Variants in TMEM181 observed in about 807,000 individuals in gnomAD.
TMEM181 encodes transmembrane protein 181.
Under a neutral mutation model 71.9 loss-of-function variants are expected in TMEM181, and 39 were observed. The observed-to-expected ratio is 0.54, with a 90% CI of 0.42 to 0.71. TMEM181 has a LOEUF of 0.71. TMEM181 is among the 30% of genes least tolerant of loss of function. TMEM181 has a pLI of 0.00. For synonymous variants in TMEM181, 245 were observed against 228.8 expected, an observed-to-expected ratio of 1.07 and a Z score of -0.64; for missense variants, 595 against 583.0, an observed-to-expected ratio of 1.02 and a Z score of -0.21.
intron 6 of TMEM181, among the ~76,000 whole-genome samples, chr6:158,591,052 A>G (rs995471567): frequency 6.6e-6 from 1 of 152,152 alleles, no homozygotes; most frequent in African/African-American, 2.4e-5. Context: ...TCATTTTGCT[A>G]AGTGATATTT....
rs756240410 is a variant in TMEM181 at position 158,621,479 on chromosome 6, G to A, written c.897-2071G>A. The A allele has an allele frequency of 2.3e-5, 5 of 213,422 alleles. 1 individual carries two copies. The highest frequency in any genetic ancestry group is 4.2e-5 in the Non-Finnish European group (4 of 94,192). 13.2% of individuals were successfully genotyped at this position (213,422 alleles called of 1,614,324 possible). ...CCATCCTCTTCCTGGGTTTTCAGGC[G>A]CTTGGGGCTACCAGCCCGTCCTGAA... On this transcript the variant is annotated intron_variant, in intron 10 of 16. Transcript: ENST00000684151.
intron 10 of TMEM181, chr6:158,611,068 G>C (rs1272117290): frequency 2.2e-6 from 1 of 464,180 alleles, no homozygotes; most frequent in African/African-American, 2.0e-5. Context: ...GAAACTCGAG[G>C]GGTGGAGAGC....
Position 158,571,514 on chromosome 6 carries a change from G to A in TMEM181, c.9-1906G>A, listed in dbSNP as rs1014606018. ...GGGGTTTCATCGTGTTGGCCAGGAT[G>A]GTCTCAATCTCCTGACCTCGTGATC... On this transcript the variant is annotated intron_variant, in intron 1 of 16. Coordinates refer to ENST00000684151, the MANE Select transcript of TMEM181 (RefSeq NM_001376852.1). Among the ~76,000 whole-genome samples, 8 of 146,152 alleles carry A rather than the reference G, an allele frequency of 5.5e-5. 2 individuals are homozygous for A. The highest frequency in any genetic ancestry group is 3.1e-5 in the Non-Finnish European group (2 of 65,296).
chr6:158,601,267 G>A (rs1784654681), intron 6 of TMEM181, among the ~76,000 whole-genome samples: 1 of 152,196 alleles, frequency 6.6e-6, no homozygotes, highest in African/African-American at 2.4e-5. Flanking sequence ...TGCTATGATA[G>A]GCCAGGCATG....
At chr6:158,621,822 C>T (rs1326163707) in intron 10 of TMEM181, among the ~76,000 whole-genome samples, 1 of 152,260 alleles carries the variant, frequency 6.6e-6, no homozygotes, top group Non-Finnish European at 1.5e-5. Flanking sequence ...AGATGCCTAA[C>T]TGCTTCAGGG....
At chr6:158,568,910 T>C (rs140069023) in intron 1 of TMEM181, among the ~76,000 whole-genome samples, 192 of 152,366 alleles carry the variant, frequency 1.3e-3, no homozygotes, top group African/African-American at 4.5e-3. Context: ...TTTAGAGCTA[T>C]GATTGATCTG....
chr6:158,628,545 AGTTAGT>A, intron 14 of TMEM181, 55 bp downstream of exon 14: 1 of 1,513,376 alleles, frequency 6.6e-7, no homozygotes. Context: ...GCATTGCAGC[AGTTAGT>A]GGCTCAGATT....
intron 1 of TMEM181, among the ~76,000 whole-genome samples, chr6:158,549,110 CTTTTTTTTTTTTT>C (rs33969411): frequency 1.5e-5 from 1 of 67,514 alleles, no homozygotes; most frequent in Non-Finnish European, 2.8e-5. Flanking sequence ...GTGCACACTT[CTTTTTTTTTTTTT>C]TTTTTTTTTT....
chr6:158,602,577 G>A (rs968545606), intron 6 of TMEM181, among the ~76,000 whole-genome samples: 2 of 151,708 alleles, frequency 1.3e-5, no homozygotes, highest in Admixed American at 6.6e-5. Flanking sequence ...GGTGTATAAT[G>A]GTATTTAATG....
chr6:158,611,877 A>T (rs1345320006), intron 10 of TMEM181, among the ~76,000 whole-genome samples: 1 of 152,192 alleles, frequency 6.6e-6, no homozygotes, highest in African/African-American at 2.4e-5. Context: ...AGAAGAGGTT[A>T]TCACAGGCTT....
At chr6:158,595,984 C>T (rs915684852) in intron 6 of TMEM181, among the ~76,000 whole-genome samples, 5 of 152,062 alleles carry the variant, frequency 3.3e-5, no homozygotes, top group Non-Finnish European at 4.4e-5. Flanking sequence ...TGCAGTGGCG[C>T]GATCTCGGCT....
At position 158,631,991 on chromosome 6, in the gene TMEM181, AT is replaced by A; in HGVS notation, c.*106del. On this transcript the variant is annotated 3_prime_UTR_variant, in exon 17 of 17. Coordinates refer to ENST00000684151, the MANE Select transcript of TMEM181 (RefSeq NM_001376852.1). ...ATTCAGATTTTTCTTACAAGCAGAG[AT>A]TTCCTGTTCATTTGTTTACATATTT... 9.0e-7 allele frequency: 1 copy of A among 1,117,154 alleles called. No homozygotes were observed. Among genetic ancestry groups the A allele is most frequent in the Non-Finnish European group, 1.3e-6 (1 of 776,974 alleles). 69.2% of individuals were successfully genotyped at this position (1,117,154 alleles called of 1,614,324 possible).
At chr6:158,625,568 T>C (rs894654965) in intron 12 of TMEM181, 135 bp from the exon 13 acceptor site, 24 of 780,216 alleles carry the variant, frequency 3.1e-5, no homozygotes, top group Non-Finnish European at 4.3e-5. Flanking sequence ...CCTAGGCTGC[T>C]GGCGACTCCG....
intron 1 of TMEM181, among the ~76,000 whole-genome samples, chr6:158,568,412 G>T (rs138623942): frequency 6.6e-6 from 1 of 152,050 alleles, no homozygotes; most frequent in African/African-American, 2.4e-5. Context: ...AGATGAGCTG[G>T]TGTTGGAGGA....
chr6:158,623,740 C>A, intron 11 of TMEM181, 133 bp downstream of exon 11: 1 of 548,606 alleles, frequency 1.8e-6, no homozygotes, highest in Non-Finnish European at 3.1e-6. Flanking sequence ...ATAGAAAGTT[C>A]AAGGGTGGAA....
At chr6:158,560,751 C>G (rs188004361) in intron 1 of TMEM181, among the ~76,000 whole-genome samples, 1 of 152,168 alleles carries the variant, frequency 6.6e-6, no homozygotes, top group Non-Finnish European at 1.5e-5. Context: ...CCGCAACAGC[C>G]CCTTTGGACT....
chr6:158,589,640 CT>C, intron 5 of TMEM181, 31 bp from the exon 6 acceptor site: 1 of 1,575,136 alleles, frequency 6.3e-7, no homozygotes, highest in Non-Finnish European at 8.7e-7. Context: ...GTCTCGCTTT[CT>C]TTAAAGGCAA....
chr6:158,614,545 G>C (rs909913010), intron 10 of TMEM181, among the ~76,000 whole-genome samples: 2 of 152,094 alleles, frequency 1.3e-5, no homozygotes, highest in Non-Finnish European at 2.9e-5. Context: ...GTGCAGGTTT[G>C]TTACATATGT....
intron 6 of TMEM181, among the ~76,000 whole-genome samples, chr6:158,593,906 A>G (rs900117900): frequency 3.2e-4 from 49 of 152,020 alleles, no homozygotes; most frequent in Non-Finnish European, 5.4e-4. Flanking sequence ...ACCCACATTG[A>G]CACACCACCC....
Sources: gnomAD v4.1 joint callset for allele counts (sites outside exome capture counted in the v4.1 genomes callset) on GRCh38, gnomAD v4.1.1 for gene constraint, MANE v1.5 for transcripts, NCBI Gene and HGNC (gene_info 2026-07-23, HGNC 2026-07-21) for gene names.